Variants in SPMIP11 observed in about 807,000 individuals in gnomAD.
SPMIP11 encodes sperm microtubule inner protein 11, also known as long intergenic non-protein coding RNA 935.
chr12:48,769,963 G>A, the SPMIP11 span, among the ~76,000 whole-genome samples: 1 of 151,580 alleles, frequency 6.6e-6, no homozygotes, highest in South Asian at 2.1e-4. Flanking sequence ...GAATTTCACC[G>A]TGTTAGTCAG....
the SPMIP11 span, among the ~76,000 whole-genome samples, chr12:48,738,727 G>A: frequency 6.6e-6 from 1 of 151,992 alleles, no homozygotes; most frequent in African/African-American, 2.4e-5. Context: ...CAAGTGATCA[G>A]AAAGAAGGGA....
the SPMIP11 span, among the ~76,000 whole-genome samples, chr12:48,735,582 T>C: frequency 0.021 from 3,121 of 147,544 alleles, 126 homozygotes; most frequent in African/African-American, 0.075. Context: ...CAAAACTCCA[T>C]CTCAAAAATA....
the SPMIP11 span, among the ~76,000 whole-genome samples, chr12:48,760,471 C>G: frequency 1.4e-3 from 219 of 151,182 alleles, 3 homozygotes; most frequent in East Asian, 8.9e-3. Context: ...AGCCACCACA[C>G]CCAGCCCATT....
the SPMIP11 span, among the ~76,000 whole-genome samples, chr12:48,753,589 G>C: frequency 5.7e-4 from 86 of 151,464 alleles, no homozygotes; most frequent in African/African-American, 2.0e-3. Context: ...GCCTCTCTGA[G>C]CTGCCTCTTT....
the SPMIP11 span, among the ~76,000 whole-genome samples, chr12:48,761,699 G>T: frequency 6.9e-6 from 1 of 145,148 alleles, no homozygotes; most frequent in East Asian, 2.0e-4. Context: ...CATAGCGTAT[G>T]ATGCCATTTA....
chr12:48,729,379 C>T, the SPMIP11 span, among the ~76,000 whole-genome samples: 1 of 151,798 alleles, frequency 6.6e-6, no homozygotes, highest in East Asian at 1.9e-4. Context: ...ACTAAAAATA[C>T]AAAAAATAGC....
At chr12:48,733,780 T>C in the SPMIP11 span, among the ~76,000 whole-genome samples, 8 of 143,696 alleles carry the variant, frequency 5.6e-5, no homozygotes, top group Middle Eastern at 3.4e-3. Flanking sequence ...TTTTTTTTTT[T>C]TTTTTTTGAG....
the SPMIP11 span, among the ~76,000 whole-genome samples, chr12:48,735,821 T>A: frequency 1.3e-5 from 2 of 151,488 alleles, no homozygotes; most frequent in Non-Finnish European, 2.9e-5. Context: ...GAGGTGGAGG[T>A]TGTAGTGAGC....
At chr12:48,737,053 G>T in the SPMIP11 span, among the ~76,000 whole-genome samples, 2 of 151,362 alleles carry the variant, frequency 1.3e-5, no homozygotes, top group Non-Finnish European at 2.9e-5. Flanking sequence ...GGGCTCAAGC[G>T]ATCCTCCCAC....
chr12:48,743,073 G>A, the SPMIP11 span, among the ~76,000 whole-genome samples: 18 of 150,500 alleles, frequency 1.2e-4, no homozygotes, highest in African/African-American at 4.4e-4. Flanking sequence ...CATGGTGCCT[G>A]TCTCTACTAG....
the SPMIP11 span, among the ~76,000 whole-genome samples, chr12:48,769,426 A>C: frequency 5.3e-5 from 8 of 151,256 alleles, no homozygotes; most frequent in Non-Finnish European, 8.8e-5. Flanking sequence ...AAAAAAAAAA[A>C]AAAAAAAACC....
the SPMIP11 span, among the ~76,000 whole-genome samples, chr12:48,753,692 C>CTTTTTTTT: frequency 3.2e-4 from 38 of 118,820 alleles, 1 homozygote; most frequent in Non-Finnish European, 4.5e-4. Context: ...TTTTTTTTTT[C>CTTTTTTTT]TTTTTTTTTT....
the SPMIP11 span, among the ~76,000 whole-genome samples, chr12:48,730,773 A>G: frequency 6.6e-6 from 1 of 152,156 alleles, no homozygotes; most frequent in Non-Finnish European, 1.5e-5. Flanking sequence ...CTCCACCTCT[A>G]CTAAAAATAC....
the SPMIP11 span, among the ~76,000 whole-genome samples, chr12:48,730,753 C>T: frequency 6.6e-6 from 1 of 152,028 alleles, no homozygotes; most frequent in African/African-American, 2.4e-5. Flanking sequence ...GCCTGGCCAA[C>T]GTGGTGAAAC....
At chr12:48,758,128 A>G in the SPMIP11 span, among the ~76,000 whole-genome samples, 1 of 152,190 alleles carries the variant, frequency 6.6e-6, no homozygotes, top group African/African-American at 2.4e-5. Flanking sequence ...CGATTGCACC[A>G]CTGTACTCCA....
the SPMIP11 span, among the ~76,000 whole-genome samples, chr12:48,728,957 T>C: frequency 6.6e-6 from 1 of 152,172 alleles, no homozygotes; most frequent in African/African-American, 2.4e-5. Flanking sequence ...AGATCTACAT[T>C]AGATTCAAAA....
chr12:48,739,225 A>T, the SPMIP11 span, among the ~76,000 whole-genome samples: 3 of 152,310 alleles, frequency 2.0e-5, no homozygotes, highest in Non-Finnish European at 4.4e-5. Flanking sequence ...AAGAAACAAA[A>T]AAAAGCTAAC....
chr12:48,749,885 G>C, the SPMIP11 span, among the ~76,000 whole-genome samples: 1 of 151,238 alleles, frequency 6.6e-6, no homozygotes, highest in African/African-American at 2.4e-5. Flanking sequence ...TAGAGATGGG[G>C]TTTCACCGTG....
the SPMIP11 span, among the ~76,000 whole-genome samples, chr12:48,761,501 A>G: frequency 6.6e-6 from 1 of 150,992 alleles, no homozygotes; most frequent in African/African-American, 2.4e-5. Flanking sequence ...AGTCCCAGCT[A>G]TTCAGGAGGC....
Sources: gnomAD v4.1 joint callset for allele counts (sites outside exome capture counted in the v4.1 genomes callset) on GRCh38, gnomAD v4.1.1 for gene constraint, MANE v1.5 for transcripts, NCBI Gene and HGNC (gene_info 2026-07-23, HGNC 2026-07-21) for gene names.